ADGRA3: variants seen among roughly 807,000 people sequenced by gnomAD.
The protein encoded by ADGRA3 is G-protein coupled receptor 125.
A neutral mutation model predicts 119.8 loss-of-function variants in ADGRA3; 56 were observed. The observed-to-expected ratio is 0.47, with a 90% CI of 0.38 to 0.58. The LOEUF (loss-of-function observed/expected upper bound fraction) is 0.58, where lower values mean the gene tolerates loss of function less well. ADGRA3 is among the 20% of genes least tolerant of loss of function. ADGRA3 has a pLI of 0.00. For synonymous variants in ADGRA3, 607 were observed against 623.8 expected, an observed-to-expected ratio of 0.97 and a Z score of 0.40; for missense variants, 1,516 against 1,649.0, an observed-to-expected ratio of 0.92 and a Z score of 1.40.
Position 22,406,337 on chromosome 4 carries a change from T to G in ADGRA3, c.2233-3538A>C, listed in dbSNP as rs546075155. On this transcript the variant is annotated intron_variant, in intron 14 of 18. Transcript: ENST00000334304. ...GATTTCCTTTCTTCTGAATATATACTCAGCAGTGAAATTGCTGGATCATAC... is the reference window on the plus strand; with the variant it reads ...GATTTCCTTTCTTCTGAATATATACGCAGCAGTGAAATTGCTGGATCATAC... 7.2e-5 allele frequency among the ~76,000 whole-genome samples: 11 copies of G among 152,340 alleles called. No homozygotes were observed. In the East Asian group the frequency reaches 1.4e-3, roughly 19 times the overall value.
At chr4:22,397,800 C>T (rs926904118) in intron 16 of ADGRA3, among the ~76,000 whole-genome samples, 2 of 152,160 alleles carry the variant, frequency 1.3e-5, no homozygotes, top group African/African-American at 4.8e-5. Context: ...TCTTCCTTTG[C>T]CTTCCACCAT....
chr4:22,413,068 T>C, intron 14 of ADGRA3, 114 bp downstream of exon 14: 1 of 793,174 alleles, frequency 1.3e-6, no homozygotes. Flanking sequence ...GCAAATTATG[T>C]TAAAAGTAAA....
In ADGRA3 at chr4:22,514,984, T is replaced by C. The variant is rs948466102; in HGVS notation, c.257+544A>G. Among the ~76,000 whole-genome samples, 9 of 152,312 alleles carry C rather than the reference T, an allele frequency of 5.9e-5. No homozygotes were observed. The East Asian group carries it at 1.7e-3, about 29-fold the overall frequency. ...GATCTGAAATGTTTCCAGCCCTTAA[T>C]AACAACTCTATCTTAAAAGGTGCTC... On this transcript the variant is annotated intron_variant, in intron 1 of 18. Transcript: ENST00000334304.
intron 1 of ADGRA3, among the ~76,000 whole-genome samples, chr4:22,492,937 C>G (rs1413729533): frequency 6.6e-6 from 1 of 152,182 alleles, no homozygotes; most frequent in Non-Finnish European, 1.5e-5. Flanking sequence ...GTAGATACTA[C>G]TGTTACCAGC....
chr4:22,478,564 G>A (rs1215685222), intron 1 of ADGRA3, among the ~76,000 whole-genome samples: 1 of 152,172 alleles, frequency 6.6e-6, no homozygotes, highest in Non-Finnish European at 1.5e-5. Context: ...GGTTATTGTG[G>A]CAGGTTGAAT....
chr4:22,443,863 T>C (rs1716723307), intron 6 of ADGRA3, among the ~76,000 whole-genome samples: 1 of 152,170 alleles, frequency 6.6e-6, no homozygotes, highest in Non-Finnish European at 1.5e-5. Flanking sequence ...AATCTTAATT[T>C]TCATTCAGTG....
chr4:22,415,924 G>A (rs895209341), intron 12 of ADGRA3, among the ~76,000 whole-genome samples: 1 of 151,862 alleles, frequency 6.6e-6, no homozygotes, highest in Non-Finnish European at 1.5e-5. Context: ...ACATATTTAA[G>A]GCTTCTAAAA....
At chr4:22,424,431 C>T (rs1715849058) in intron 10 of ADGRA3, 79 bp from the exon 11 acceptor site, 2 of 1,478,192 alleles carry the variant, frequency 1.4e-6, no homozygotes, top group African/African-American at 2.8e-5. Context: ...TCCTAATGGA[C>T]AGTGAGATTG....
In ADGRA3 at chr4:22,442,141, T is replaced by C. The variant is rs13120669; in HGVS notation, c.920+509A>G. Reference sequence around the variant, plus strand: ...CTGGTAAGTGATAATATCATATATATTCTTAGTCTATTATACTTTATAAAG... The same window carrying C: ...CTGGTAAGTGATAATATCATATATACTCTTAGTCTATTATACTTTATAAAG... On this transcript the variant is annotated intron_variant, in intron 7 of 18. Transcript: ENST00000334304. 6.9e-3 allele frequency among the ~76,000 whole-genome samples: 1,053 copies of C among 152,266 alleles called. 5 individuals carry two copies. Among genetic ancestry groups the C allele is most frequent in the Middle Eastern group, 0.02 (6 of 294 alleles).
At chr4:22,512,183 G>A (rs4495025) in intron 1 of ADGRA3, among the ~76,000 whole-genome samples, 94,595 of 151,660 alleles carry the variant, frequency 0.62, 29,790 homozygotes, top group Non-Finnish European at 0.66. Context: ...TTACAGGTGT[G>A]AGCCACTGCG....
intron 1 of ADGRA3, among the ~76,000 whole-genome samples, chr4:22,512,207 G>T (rs191647084): frequency 3.0e-3 from 461 of 152,056 alleles, no homozygotes; most frequent in African/African-American, 0.01. Flanking sequence ...GCCCCACAGT[G>T]ATCTTTTTCC....
At chr4:22,398,868 C>G (rs1029267386) in intron 16 of ADGRA3, among the ~76,000 whole-genome samples, 17 of 152,142 alleles carry the variant, frequency 1.1e-4, no homozygotes, top group African/African-American at 4.1e-4. Flanking sequence ...CTCATATTCA[C>G]GTGCACACAG....
rs530568926 is a variant in ADGRA3 at position 22,421,020 on chromosome 4, C to T, written c.1675G>A (p.Val559Met). The T allele has an allele frequency of 1.2e-5, 20 of 1,614,004 alleles. No individual in the cohort carries two copies. The highest frequency in any genetic ancestry group is 6.7e-5 in the East Asian group (3 of 44,864). ...TCAGAGGCTGCCACTTTCTGGAACACGGTACAGGTCATCCCCGTGAAGCCA... is the reference window on the plus strand; with the variant it reads ...TCAGAGGCTGCCACTTTCTGGAACATGGTACAGGTCATCCCCGTGAAGCCA... The part of the protein sequence containing the change: ...STGFTGMTCT[V>M]FQKVAASDRT... The change falls in exon 12 of 19, where the codon GTG becomes ATG. Residue 559 changes from valine to methionine, a missense_variant. Around this residue, in one of 2 missense-constraint regions of ADGRA3, gnomAD observed 1,088 missense variants for 1,107.1 expected, o/e 0.98. Transcript: ENST00000334304.
rs976866231 is a variant in ADGRA3, at chr4:22,511,473, T to C, written c.257+4055A>G. Among the ~76,000 whole-genome samples the C allele has an allele frequency of 1.3e-5, 2 of 152,334 alleles. 1 individual carries two copies. The highest frequency in any genetic ancestry group is 6.8e-3 in the Middle Eastern group (2 of 294). On this transcript the variant is annotated intron_variant, in intron 1 of 18. Transcript: ENST00000334304. ...AAACAAGTGGTGTTCATCAATACTG[T>C]TGAAGGATCTGACTTTTAGGCTATG...
intron 1 of ADGRA3, among the ~76,000 whole-genome samples, chr4:22,484,685 G>C (rs1718372144): frequency 6.6e-6 from 1 of 151,780 alleles, no homozygotes; most frequent in African/African-American, 2.4e-5. Flanking sequence ...GATTCAGCAT[G>C]AGAAGGCTGG....
At chr4:22,429,905 G>C (rs1262524083) in intron 10 of ADGRA3, among the ~76,000 whole-genome samples, 1 of 152,148 alleles carries the variant, frequency 6.6e-6, no homozygotes. Flanking sequence ...ATCTTGAATT[G>C]TAACTCCCAC....
intron 10 of ADGRA3, among the ~76,000 whole-genome samples, chr4:22,433,217 C>T (rs773161914): frequency 1.1e-4 from 17 of 152,258 alleles, no homozygotes; most frequent in African/African-American, 3.1e-4. Flanking sequence ...ATAACTTTTC[C>T]GTCCTATGTT....
intron 14 of ADGRA3, among the ~76,000 whole-genome samples, chr4:22,407,165 G>A (rs928847734): frequency 2.6e-5 from 4 of 152,210 alleles, no homozygotes; most frequent in Non-Finnish European, 4.4e-5. Flanking sequence ...CAGCTACGCA[G>A]GAGGCTGAGG....
intron 14 of ADGRA3, among the ~76,000 whole-genome samples, chr4:22,409,861 C>A (rs1715119610): frequency 6.6e-6 from 1 of 152,116 alleles, no homozygotes; most frequent in African/African-American, 2.4e-5. Flanking sequence ...ACGCGAGAAA[C>A]AAACAGTAGT....
Sources: allele counts gnomAD v4.1 joint callset (sites outside exome capture counted in the v4.1 genomes callset), GRCh38; gene constraint gnomAD v4.1.1; regional missense constraint gnomAD v4.1.1; transcripts MANE v1.5; gene names NCBI Gene and HGNC (gene_info 2026-07-23, HGNC 2026-07-21).